The following NPR3 variants were observed in gnomAD, a reference collection of about 807,000 sequenced individuals.
NPR3 encodes the protein natriuretic peptide receptor 3.
In NPR3, 34 loss-of-function variants were observed where a neutral mutation model predicts 54.5. That is an observed-to-expected ratio of 0.62 (90% CI 0.47 to 0.83). The LOEUF is 0.83. NPR3 is among the 40% of genes least tolerant of loss of function. The pLI is 0.00. For missense variants in NPR3, 674 were observed against 720.8 expected (o/e 0.94, Z 0.74); for synonymous variants, 289 against 297.1 (o/e 0.97, Z 0.28).
At chr5:32,726,480 A>G (rs993535548) in intron 2 of NPR3, among the ~76,000 whole-genome samples, 2 of 152,162 alleles carry the variant, frequency 1.3e-5, no homozygotes, top group South Asian at 2.1e-4. Context: ...TTCTTCACTC[A>G]AGATCAGAAT....
upstream of NPR3, among the ~76,000 whole-genome samples, chr5:32,706,679 T>A (rs766090465): frequency 8.5e-5 from 13 of 152,162 alleles, no homozygotes; most frequent in Non-Finnish European, 1.8e-4. Context: ...TTTGTGAGAG[T>A]TTTGATGGGA....
At chr5:32,771,478 G>A (rs893159786) in intron 3 of NPR3, among the ~76,000 whole-genome samples, 4 of 152,174 alleles carry the variant, frequency 2.6e-5, no homozygotes, top group Non-Finnish European at 4.4e-5. Flanking sequence ...TCTCCACCAC[G>A]TAATCTTTCT....
intron 3 of NPR3, among the ~76,000 whole-genome samples, chr5:32,761,020 CTATT>C (rs1286123545): frequency 6.6e-6 from 1 of 151,694 alleles, no homozygotes; most frequent in African/African-American, 2.4e-5. Context: ...TTCCATTTAT[CTATT>C]TGTCTATTCT....
intron 1 of NPR3, among the ~76,000 whole-genome samples, chr5:32,719,941 C>T (rs1343112852): frequency 6.6e-6 from 1 of 152,106 alleles, no homozygotes; most frequent in African/African-American, 2.4e-5. Context: ...TCTTTTCCTT[C>T]TAAATTTGTA....
Position 32,759,814 on chromosome 5 carries a change from C to A in NPR3, c.1060-14894C>A, listed in dbSNP as rs1406096371. Among the ~76,000 whole-genome samples, 5 of 152,166 alleles carry A rather than the reference C, an allele frequency of 3.3e-5. No individual in the cohort carries two copies. In the East Asian group the frequency reaches 5.8e-4, roughly 18 times the overall value. ...AAGGCAGGCCTGGTGGTGACAAAATCTCTCCGCATTTGCTTGTCTGTAAAG... is the reference window on the plus strand; with the variant it reads ...AAGGCAGGCCTGGTGGTGACAAAATATCTCCGCATTTGCTTGTCTGTAAAG... On this transcript the variant is annotated intron_variant, in intron 3 of 7. Transcript: ENST00000265074.
chr5:32,758,862 C>T (rs1021895423), intron 3 of NPR3, among the ~76,000 whole-genome samples: 1 of 152,108 alleles, frequency 6.6e-6, no homozygotes, highest in Non-Finnish European at 1.5e-5. Context: ...TCGTTATGTA[C>T]CCAGTAGTCA....
At chr5:32,739,100 C>T in intron 3 of NPR3, 70 bp downstream of exon 3, 3 of 1,477,174 alleles carry the variant, frequency 2.0e-6, no homozygotes, top group South Asian at 2.5e-5. Flanking sequence ...TCAGAGATGA[C>T]AGAGTGTCCC....
In NPR3 at chr5:32,739,225, C is replaced by T. The variant is rs561368636; in HGVS notation, c.1059+195C>T. 5.0e-4 allele frequency among the ~76,000 whole-genome samples: 75 copies of T among 151,472 alleles called. 1 individual carries two copies. Among genetic ancestry groups the T allele is most frequent in the Non-Finnish European group, 5.6e-4 (38 of 67,864 alleles). ...TCTGGGTGGTTTTCCTCCTTCCCTC[C>T]TCAGTATACCCACTATCATCTCTAC... On this transcript the variant is annotated intron_variant, in intron 3 of 7. Coordinates refer to ENST00000265074, the MANE Select transcript of NPR3 (RefSeq NM_001204375.2).
intron 6 of NPR3, among the ~76,000 whole-genome samples, chr5:32,783,867 GT>G (rs1413607854): frequency 6.6e-6 from 1 of 152,130 alleles, no homozygotes; most frequent in Admixed American, 6.5e-5. Flanking sequence ...CCACCTAAGC[GT>G]TTTGAGGGCT....
At chr5:32,730,499 A>G (rs1739394818) in intron 2 of NPR3, among the ~76,000 whole-genome samples, 1 of 152,210 alleles carries the variant, frequency 6.6e-6, no homozygotes, top group Non-Finnish European at 1.5e-5. Flanking sequence ...AAATGAAAAT[A>G]AAAAGCATAC....
intron 1 of NPR3, among the ~76,000 whole-genome samples, chr5:32,695,181 T>C (rs1015549129): frequency 1.3e-5 from 2 of 152,250 alleles, no homozygotes; most frequent in African/African-American, 4.8e-5. Context: ...AATGCAGATA[T>C]CTCTTCAGTG....
chr5:32,714,443 A>G (rs898390708), intron 1 of NPR3, among the ~76,000 whole-genome samples: 1 of 150,878 alleles, frequency 6.6e-6, no homozygotes, highest in Non-Finnish European at 1.5e-5. Context: ...CTAGGGCTGC[A>G]GTCGGCTGTA....
chr5:32,774,999 TGA>T (rs1400648414), intron 4 of NPR3, among the ~76,000 whole-genome samples, 156 bp downstream of exon 4: 1 of 152,154 alleles, frequency 6.6e-6, no homozygotes, highest in Non-Finnish European at 1.5e-5. Flanking sequence ...ACCAATTAAA[TGA>T]GATAATACAC....
intron 1 of NPR3, among the ~76,000 whole-genome samples, chr5:32,702,236 G>A (rs1334207838): frequency 6.6e-6 from 1 of 152,090 alleles, no homozygotes; most frequent in Non-Finnish European, 1.5e-5. Flanking sequence ...TGGTACCCAA[G>A]CCACATAACA....
chr5:32,729,033 T>G (rs1470680420), intron 2 of NPR3, among the ~76,000 whole-genome samples: 2 of 89,800 alleles, frequency 2.2e-5, no homozygotes, highest in African/African-American at 5.1e-5. Flanking sequence ...TTTTTTTGTT[T>G]TGTTTTTTTT....
intron 1 of NPR3, among the ~76,000 whole-genome samples, chr5:32,691,930 A>G (rs1226705103): frequency 6.6e-6 from 1 of 152,248 alleles, no homozygotes; most frequent in Non-Finnish European, 1.5e-5. Flanking sequence ...CAAAAATAAG[A>G]AATAGCACAA....
At chr5:32,745,251 C>A (rs700927) in intron 3 of NPR3, among the ~76,000 whole-genome samples, 6,626 of 152,126 alleles carry the variant, frequency 0.044, 475 homozygotes, top group African/African-American at 0.15. Flanking sequence ...TCTGGAGGTC[C>A]CCTGAAATCT....
intron 3 of NPR3, among the ~76,000 whole-genome samples, chr5:32,766,753 C>A (rs1741491460): frequency 6.6e-6 from 1 of 152,114 alleles, no homozygotes; most frequent in Non-Finnish European, 1.5e-5. Flanking sequence ...ATCAGTAGAT[C>A]TTTTATTACC....
At position 32,718,906 on chromosome 5, in the gene NPR3, A is replaced by G. The variant is rs184984934; in HGVS notation, c.770-5792A>G. 4.3e-3 allele frequency among the ~76,000 whole-genome samples: 651 copies of G among 152,270 alleles called. 6 individuals are homozygous for G. The highest frequency in any genetic ancestry group is 0.014 in the Middle Eastern group (4 of 294). The stretch of plus-strand genomic sequence containing the variant: ...CTATGTTGAATAGGAGTGGTGAGAG[A>G]GGGCATCCTTGTCTTGTGCCAGTTT... On this transcript the variant is annotated intron_variant, in intron 1 of 7. Coordinates refer to ENST00000265074, the MANE Select transcript of NPR3 (RefSeq NM_001204375.2).
Sources: gnomAD v4.1 joint callset for allele counts (sites outside exome capture counted in the v4.1 genomes callset) on GRCh38, gnomAD v4.1.1 for gene constraint, MANE v1.5 for transcripts, NCBI Gene and HGNC (gene_info 2026-07-23, HGNC 2026-07-21) for gene names.